Variants in ETV6 observed in about 807,000 individuals in gnomAD.
ETV6 encodes transcription factor ETV6.
A neutral mutation model predicts 51.1 loss-of-function variants in ETV6; 16 were observed. The ratio of observed to expected loss-of-function variants is 0.31; its 90% CI spans 0.21 to 0.48. The LOEUF (loss-of-function observed/expected upper bound fraction) is 0.48. Among genes scored for constraint, ETV6 ranks in the 20% least tolerant of loss-of-function variants. ETV6 has a pLI of 0.99. For synonymous variants in ETV6, 240 were observed against 224.1 expected (o/e 1.07, Z -0.64); for missense variants, 458 against 594.8 (o/e 0.77, Z 2.39).
At chr12:11,837,293 G>GA (rs1014612454) in intron 2 of ETV6, among the ~76,000 whole-genome samples, 13 of 150,984 alleles carry the variant, frequency 8.6e-5, no homozygotes, top group African/African-American at 1.7e-4. Context: ...GTTTCCATGT[G>GA]AAAAAAAAAT....
intron 3 of ETV6, among the ~76,000 whole-genome samples, chr12:11,841,853 C>T (rs993083039): frequency 3.3e-5 from 5 of 151,944 alleles, no homozygotes; most frequent in South Asian, 2.1e-4. Flanking sequence ...GAGGCCGAGG[C>T]GGGCGGATCA....
At chr12:11,688,721 G>A (rs1294161107) in intron 1 of ETV6, among the ~76,000 whole-genome samples, 4 of 152,206 alleles carry the variant, frequency 2.6e-5, no homozygotes, top group East Asian at 1.9e-4. Context: ...GTGTGGTAGC[G>A]TGTGGAGACC....
At chr12:11,842,715 C>A (rs1565547703) in intron 3 of ETV6, among the ~76,000 whole-genome samples, 1 of 152,152 alleles carries the variant, frequency 6.6e-6, no homozygotes, top group East Asian at 1.9e-4. Context: ...CTTTTTGCAA[C>A]AGACATTTTC....
chr12:11,821,910 C>A (rs1946086717), intron 2 of ETV6, among the ~76,000 whole-genome samples: 1 of 152,148 alleles, frequency 6.6e-6, no homozygotes, highest in Non-Finnish European at 1.5e-5. Context: ...AACACACACT[C>A]ACATATATCT....
At chr12:11,881,690 A>T (rs1306350023) in intron 5 of ETV6, among the ~76,000 whole-genome samples, 1 of 152,200 alleles carries the variant, frequency 6.6e-6, no homozygotes, top group Non-Finnish European at 1.5e-5. Flanking sequence ...ATTTCAACAG[A>T]TGAATTTGGG....
intron 1 of ETV6, among the ~76,000 whole-genome samples, chr12:11,677,865 C>T (rs1265115917): frequency 6.6e-6 from 1 of 152,238 alleles, no homozygotes; most frequent in Non-Finnish European, 1.5e-5. Flanking sequence ...TACACCTGCT[C>T]ATCCTTGACA....
intron 1 of ETV6, among the ~76,000 whole-genome samples, chr12:11,751,673 A>G (rs1277040681): frequency 2.0e-5 from 3 of 152,174 alleles, no homozygotes; most frequent in Non-Finnish European, 4.4e-5. Flanking sequence ...AAGCTCTCCC[A>G]CCCCACCCTT....
At position 11,891,201 on chromosome 12, in the gene ETV6, C is replaced by T; in HGVS notation, c.*155C>T. ...ACTTCTCTTGCAGACCAAGAGGGAC[C>T]CTGGAGCACCTTAGACAAACTACCC... On this transcript the variant is annotated 3_prime_UTR_variant, in exon 8 of 8. Transcript: ENST00000396373. 1 of 596,652 alleles carries T rather than the reference C, an allele frequency of 1.7e-6. No individual in the cohort carries two copies. Among genetic ancestry groups the T allele is most frequent in the Non-Finnish European group, 3.0e-6 (1 of 336,582 alleles). The allele number at this position is 596,652 out of a possible 1,614,324, so 37.0% of individuals were successfully genotyped here.
rs575887167 is a variant in ETV6, at chr12:11,673,336, T to C, written c.33+23176T>C. Among the ~76,000 whole-genome samples the C allele has an allele frequency of 9.2e-5, 14 of 152,264 alleles. No individual in the cohort carries two copies. In the East Asian group the frequency reaches 2.5e-3, roughly 27 times the overall value. On this transcript the variant is annotated intron_variant, in intron 1 of 7. Transcript: ENST00000396373. ...CCATGAAGAAGAAAATCTGGATGAC[T>C]ATTGAGGGAGGGCTGATGTTGGAGA...
chr12:11,807,011 G>A (rs1565533518), intron 2 of ETV6, among the ~76,000 whole-genome samples: 2 of 152,238 alleles, frequency 1.3e-5, no homozygotes. Context: ...AAACAGAATT[G>A]TCACATTGAA....
Position 11,895,288 on chromosome 12 carries a change from AG to A in ETV6, c.*4243del, listed in dbSNP as rs1947375966. 4.5e-6 allele frequency: 1 copy of A among 221,532 alleles called. No homozygotes were observed. The highest frequency in any genetic ancestry group is 6.2e-5 in the Admixed American group (1 of 16,056). 13.7% of individuals were successfully genotyped at this position (221,532 alleles called of 1,614,324 possible). A position where few individuals can be genotyped will look rare whatever the true frequency, so the allele number is the denominator to read the frequency against. On this transcript the variant is annotated 3_prime_UTR_variant, in exon 8 of 8. Coordinates refer to ENST00000396373, the MANE Select transcript of ETV6 (RefSeq NM_001987.5). Reference sequence around the variant, plus strand: ...CTGAATCAAATGAATGTAACAAAAAAGAAAAAAAAAACAAAAAAAAATGCCT... The same window carrying A: ...CTGAATCAAATGAATGTAACAAAAAAAAAAAAAAAACAAAAAAAAATGCCT...
chr12:11,892,206 C>T lies in ETV6; in HGVS notation c.*1160C>T, dbSNP rs1591756142. The T allele has an allele frequency of 1.9e-5, 4 of 215,812 alleles. No homozygotes were observed. In the East Asian group the frequency reaches 2.5e-4, roughly 13 times the overall value. 13.4% of individuals were successfully genotyped at this position (215,812 alleles called of 1,614,324 possible). A position where few individuals can be genotyped will look rare whatever the true frequency, so the allele number is the denominator to read the frequency against. ...TCTTGTGGTCAGTTTCATGCCCTCA[C>T]CTGATTTTTTTTTTTTTTTTTTTTT... On this transcript the variant is annotated 3_prime_UTR_variant, in exon 8 of 8. Coordinates refer to ENST00000396373, the MANE Select transcript of ETV6 (RefSeq NM_001987.5).
intron 2 of ETV6, among the ~76,000 whole-genome samples, chr12:11,778,277 C>T (rs576623204): frequency 7.2e-5 from 11 of 152,356 alleles, no homozygotes; most frequent in African/African-American, 2.6e-4. Context: ...TGAATGACAG[C>T]GCCTTCCTGG....
At chr12:11,862,278 A>G (rs192090094) in intron 4 of ETV6, among the ~76,000 whole-genome samples, 181 of 152,292 alleles carry the variant, frequency 1.2e-3, no homozygotes, top group African/African-American at 4.1e-3. Context: ...GTTCGGTGAC[A>G]TTGGCACATT....
At chr12:11,810,853 C>T (rs1294991513) in intron 2 of ETV6, among the ~76,000 whole-genome samples, 1 of 152,226 alleles carries the variant, frequency 6.6e-6, no homozygotes, top group Non-Finnish European at 1.5e-5. Context: ...CACTCTGCCT[C>T]TATTCCAAAT....
intron 2 of ETV6, among the ~76,000 whole-genome samples, chr12:11,818,531 C>CA (rs1221844259): frequency 0.32 from 25,670 of 79,832 alleles, 3,126 homozygotes; most frequent in East Asian, 0.47. Flanking sequence ...GACTCTGTCT[C>CA]AAAAAAAAAA....
intron 2 of ETV6, among the ~76,000 whole-genome samples, chr12:11,812,175 G>T (rs1230970189): frequency 6.6e-6 from 1 of 152,100 alleles, no homozygotes; most frequent in East Asian, 1.9e-4. Context: ...GCTCATTATT[G>T]TAGATATTCT....
intron 2 of ETV6, among the ~76,000 whole-genome samples, chr12:11,809,415 G>A (rs985839745): frequency 1.3e-5 from 2 of 152,136 alleles, no homozygotes; most frequent in Admixed American, 6.6e-5. Flanking sequence ...CTAAAGGAAC[G>A]TATTATCAGC....
At chr12:11,682,523 A>G (rs887217015) in intron 1 of ETV6, among the ~76,000 whole-genome samples, 4 of 152,038 alleles carry the variant, frequency 2.6e-5, no homozygotes, top group Non-Finnish European at 5.9e-5. Flanking sequence ...TTGTCTGCTC[A>G]CTCTAATGAT....
Sources: gnomAD v4.1 joint callset for allele counts (sites outside exome capture counted in the v4.1 genomes callset) on GRCh38, gnomAD v4.1.1 for gene constraint, MANE v1.5 for transcripts, NCBI Gene and HGNC (gene_info 2026-07-23, HGNC 2026-07-21) for gene names.